CCDC85C: variants seen among roughly 807,000 people sequenced by gnomAD.
CCDC85C encodes coiled-coil domain containing 85C, also known as coiled-coil domain-containing protein 85C.
In CCDC85C, 18 loss-of-function variants were observed where a neutral mutation model predicts 38.3. The ratio of observed to expected loss-of-function variants is 0.47; its 90% CI spans 0.33 to 0.70. The LOEUF is 0.70. Among genes scored for constraint, CCDC85C ranks in the 30% least tolerant of loss-of-function variants. The probability of loss-of-function intolerance (pLI) is 0.03; values close to 1 mark genes in which losing one functional copy is unlikely to be tolerated. For missense variants in CCDC85C, 566 were observed against 621.2 expected, an observed-to-expected ratio of 0.91 and a Z score of 0.94; for synonymous variants, 264 against 293.8, an observed-to-expected ratio of 0.90 and a Z score of 1.04.
chr14:99,532,068 G>A (rs112976739), intron 2 of CCDC85C, among the ~76,000 whole-genome samples: 2,328 of 152,316 alleles, frequency 0.015, 59 homozygotes, highest in African/African-American at 0.053. Flanking sequence ...CTGAGCACTG[G>A]AGACACCAAT....
Position 99,510,107 on chromosome 14 carries a change from A to G in CCDC85C, c.*5139T>C, listed in dbSNP as rs748456006. The G allele has an allele frequency of 6.5e-7, 1 of 1,542,354 alleles. No individual in the cohort carries two copies. Among genetic ancestry groups the G allele is most frequent in the Non-Finnish European group, 8.7e-7 (1 of 1,149,630 alleles). On this transcript the variant is annotated 3_prime_UTR_variant, in exon 6 of 6. Coordinates refer to ENST00000380243, the MANE Select transcript of CCDC85C (RefSeq NM_001144995.2). ...CTGAAGGGCCAGGAGGCACTGAAAA[A>G]GCAACCATTGCTGGCGGAGGCCGGG...
At chr14:99,566,147 C>T (rs1359705887) in intron 1 of CCDC85C, among the ~76,000 whole-genome samples, 2 of 152,226 alleles carry the variant, frequency 1.3e-5, no homozygotes, top group African/African-American at 2.4e-5. Flanking sequence ...GCTCCAGAAT[C>T]GTACTGAATG....
intron 1 of CCDC85C, among the ~76,000 whole-genome samples, chr14:99,596,098 G>A (rs962675737): frequency 6.6e-6 from 1 of 152,240 alleles, no homozygotes; most frequent in Non-Finnish European, 1.5e-5. Flanking sequence ...TCTTTCTCAA[G>A]TCTCTTAGTG....
chr14:99,547,680 A>C (rs137942517), intron 1 of CCDC85C, among the ~76,000 whole-genome samples: 229 of 152,064 alleles, frequency 1.5e-3, no homozygotes, highest in African/African-American at 5.4e-3. Flanking sequence ...AGGCTGAGGC[A>C]GGAAAATTGC....
In CCDC85C at chr14:99,558,252, A is replaced by G. The variant is rs1176181636; in HGVS notation, c.794-22164T>C. Among the ~76,000 whole-genome samples the G allele has an allele frequency of 6.6e-6, 1 of 152,218 alleles. No homozygotes were observed. The highest frequency in any genetic ancestry group is 2.4e-5 in the African/African-American group (1 of 41,450). ...ACTCCACCTCCCTGCCACCTACCGT[A>G]GCAAGCCGAGCAGTGTCCTTCCAAA... is the stretch of plus-strand genomic sequence containing the variant. On this transcript the variant is annotated intron_variant, in intron 1 of 5. Transcript: ENST00000380243. The surrounding 1 kb of genome is among the most constrained non-coding windows in gnomAD (Gnocchi z 4.2).
chr14:99,584,290 T>C (rs1348320968), intron 1 of CCDC85C, among the ~76,000 whole-genome samples: 1 of 152,154 alleles, frequency 6.6e-6, no homozygotes, highest in East Asian at 1.9e-4. Flanking sequence ...CAATGAGCAA[T>C]GGATTATTTA....
Position 99,603,426 on chromosome 14 carries a change from G to C in CCDC85C, c.534C>G (p.Ser178Arg). The C allele has an allele frequency of 7.9e-7, 1 of 1,269,396 alleles. No individual in the cohort carries two copies. The highest frequency in any genetic ancestry group is 9.9e-7 in the Non-Finnish European group (1 of 1,011,380). The allele number at this position is 1,269,396 out of a possible 1,614,324, so 78.6% of individuals were successfully genotyped here. ...TCAGGCTGGCCTGGCTGTCGATGGAGCTGCGGGAGCCGGCGCCGCCCCCGC... is the reference window on the plus strand; with the variant it reads ...TCAGGCTGGCCTGGCTGTCGATGGACCTGCGGGAGCCGGCGCCGCCCCCGC... ...GGGGGGAGSR[S>R]SIDSQASLSG... The change falls in exon 1 of 6, where the codon AGC (serine) becomes AGG (arginine). Residue 178 changes from serine to arginine, a missense_variant. By Grantham distance (110) the Ser-to-Arg change is moderately radical. Transcript: ENST00000380243. This position sits in a 1 kb window ranked among gnomAD's most constrained non-coding sequence, Gnocchi z 7.5.
At chr14:99,587,579 G>T (rs564070609) in intron 1 of CCDC85C, among the ~76,000 whole-genome samples, 1 of 152,160 alleles carries the variant, frequency 6.6e-6, no homozygotes, top group South Asian at 2.1e-4. Flanking sequence ...CCTCCGCAAG[G>T]TCAGTCACTC....
chr14:99,537,238 T>C (rs1342135407), intron 1 of CCDC85C, among the ~76,000 whole-genome samples: 3 of 152,030 alleles, frequency 2.0e-5, no homozygotes, highest in African/African-American at 7.3e-5. Flanking sequence ...TTCATGCCGC[T>C]CACCCTCGAT....
At chr14:99,557,974 A>G (rs990708478) in intron 1 of CCDC85C, among the ~76,000 whole-genome samples, 9 of 152,232 alleles carry the variant, frequency 5.9e-5, no homozygotes, top group South Asian at 4.1e-4. Flanking sequence ...CCTTCCAAAC[A>G]TAACATAAAA....
chr14:99,519,364 G>T (rs1160197032), intron 3 of CCDC85C, among the ~76,000 whole-genome samples: 1 of 147,862 alleles, frequency 6.8e-6, no homozygotes, highest in East Asian at 2.0e-4. Flanking sequence ...CAATCCTCCT[G>T]TCTTGGCCTC....
intron 1 of CCDC85C, among the ~76,000 whole-genome samples, chr14:99,591,607 C>A (rs533411259): frequency 6.6e-6 from 1 of 152,132 alleles, no homozygotes; most frequent in African/African-American, 2.4e-5. Context: ...GCCTTCTGCA[C>A]AGCAAGTGGT....
chr14:99,503,425 A>G lies in CCDC85C; in HGVS notation c.*11821T>C, dbSNP rs892227648. Reference sequence around the variant, plus strand: ...TCTTATTTGGTAAATGGAAAGAGGAAGGGAGCAGAAATGATGATCTGGTAG... The same window carrying G: ...TCTTATTTGGTAAATGGAAAGAGGAGGGGAGCAGAAATGATGATCTGGTAG... On this transcript the variant is annotated 3_prime_UTR_variant, in exon 6 of 6. Transcript: ENST00000380243. The G allele has an allele frequency of 4.9e-6, 3 of 608,958 alleles. No homozygotes were observed. The highest frequency in any genetic ancestry group is 2.9e-6 in the Non-Finnish European group (1 of 341,076). The allele number at this position is 608,958 out of a possible 1,614,324, so 37.7% of individuals were successfully genotyped here.
chr14:99,583,575 G>A (rs984331664), intron 1 of CCDC85C, among the ~76,000 whole-genome samples: 1 of 151,574 alleles, frequency 6.6e-6, no homozygotes, highest in Non-Finnish European at 1.5e-5. Flanking sequence ...GGGAGGCCGA[G>A]GCGGGCGGAT....
At chr14:99,515,437 G>C in intron 5 of CCDC85C, 102 bp from the exon 6 acceptor site, 1 of 811,150 alleles carries the variant, frequency 1.2e-6, no homozygotes, top group East Asian at 2.7e-5. Context: ...CACGTCCTCA[G>C]AGCCATGGGG....
At chr14:99,580,249 G>C in intron 1 of CCDC85C, 4 of 401,208 alleles carry the variant, frequency 1.0e-5, no homozygotes, top group South Asian at 7.4e-5. Flanking sequence ...CACGTGCACA[G>C]TGGGTGACAG....
intron 2 of CCDC85C, among the ~76,000 whole-genome samples, chr14:99,523,720 T>G (rs1448817546): frequency 6.6e-6 from 1 of 152,058 alleles, no homozygotes; most frequent in African/African-American, 2.4e-5. Context: ...GAACCAACCT[T>G]CCTGCAGGGC....
intron 1 of CCDC85C, among the ~76,000 whole-genome samples, chr14:99,595,935 C>T (rs1187628734): frequency 6.6e-6 from 1 of 152,234 alleles, no homozygotes; most frequent in Admixed American, 6.5e-5. Context: ...AAAAGACTTT[C>T]AGAACCTGCC....
chr14:99,603,748 T>G lies in CCDC85C; in HGVS notation c.212A>C (p.Lys71Thr), dbSNP rs1483438231. 6.6e-7 allele frequency: 1 copy of G among 1,524,020 alleles called. No homozygotes were observed. Among genetic ancestry groups the G allele is most frequent in the Non-Finnish European group, 8.8e-7 (1 of 1,141,598 alleles). The allele number at this position is 1,524,020 out of a possible 1,614,324, so 94.4% of individuals were successfully genotyped here. A position where few individuals can be genotyped will look rare whatever the true frequency, so the allele number is the denominator to read the frequency against. ...QQHLLEIRGL[K>T]DVNQRLQDDN... ...GTCCTGCAGCCGCTGGTTCACGTCCTTGAGGCCGCGGATCTCCAGCAGGTG... is the reference window on the plus strand; with the variant it reads ...GTCCTGCAGCCGCTGGTTCACGTCCGTGAGGCCGCGGATCTCCAGCAGGTG... Residue 71 changes from lysine to threonine, a missense_variant, in exon 1 of 6, where the codon AAG becomes ACG. Physicochemically the swap from Lys to Thr is moderately conservative, Grantham distance 78. This residue lies in a region of CCDC85C where 269 missense variants were observed against 308.2 expected (regional missense o/e 0.87). Transcript: ENST00000380243. This position sits in a 1 kb window ranked among gnomAD's most constrained non-coding sequence, Gnocchi z 7.5.
Sources: allele counts gnomAD v4.1 joint callset (sites outside exome capture counted in the v4.1 genomes callset), GRCh38; gene constraint gnomAD v4.1.1; regional missense constraint gnomAD v4.1.1; non-coding constraint Gnocchi (gnomAD v3.1); transcripts MANE v1.5; gene names NCBI Gene and HGNC (gene_info 2026-07-23, HGNC 2026-07-21).